PDE8A: variants seen among roughly 807,000 people sequenced by gnomAD.
PDE8A encodes the protein high affinity cAMP-specific and IBMX-insensitive 3',5'-cyclic phosphodiesterase 8A.
PDE8A carries 59 observed loss-of-function variants against 105.0 expected under a neutral mutation model. That is an observed-to-expected ratio of 0.56 (90% CI 0.46 to 0.70). The LOEUF is 0.70. Ranked by LOEUF, PDE8A falls within the 30% of genes least tolerant of loss-of-function variation. The pLI is 0.00. For missense variants in PDE8A, 1,014 were observed against 1,045.9 expected, an observed-to-expected ratio of 0.97 and a Z score of 0.42; for synonymous variants, 355 against 371.9, an observed-to-expected ratio of 0.95 and a Z score of 0.52.
intron 1 of PDE8A, among the ~76,000 whole-genome samples, chr15:84,992,088 C>T (rs1374585286): frequency 6.6e-6 from 1 of 152,192 alleles, no homozygotes; most frequent in Non-Finnish European, 1.5e-5. Flanking sequence ...ATTTTAAGGA[C>T]TTAAATGTTT....
At chr15:85,084,563 C>T (rs2081519328) in intron 6 of PDE8A, among the ~76,000 whole-genome samples, 1 of 152,192 alleles carries the variant, frequency 6.6e-6, no homozygotes, top group African/African-American at 2.4e-5. Context: ...AGCACTCCCA[C>T]AGTGAATTAG....
chr15:85,052,097 T>A (rs899252384), intron 1 of PDE8A, among the ~76,000 whole-genome samples: 3 of 152,134 alleles, frequency 2.0e-5, no homozygotes, highest in Non-Finnish European at 4.4e-5. Context: ...CTTGCAATAG[T>A]TTGCTCAGAA....
At chr15:84,987,879 A>T (rs150058489) in intron 1 of PDE8A, among the ~76,000 whole-genome samples, 347 of 152,146 alleles carry the variant, frequency 2.3e-3, no homozygotes, top group African/African-American at 5.5e-3. Flanking sequence ...AAAAAATTTT[A>T]AAAAAAAGAA....
intron 6 of PDE8A, among the ~76,000 whole-genome samples, chr15:85,087,989 A>G (rs1421846819): frequency 1.3e-5 from 2 of 152,198 alleles, no homozygotes; most frequent in African/African-American, 4.8e-5. Flanking sequence ...GGTATAGTCA[A>G]AGGATTTTAG....
intron 6 of PDE8A, among the ~76,000 whole-genome samples, chr15:85,088,490 A>G (rs1200863746): frequency 6.6e-6 from 1 of 152,150 alleles, no homozygotes; most frequent in Non-Finnish European, 1.5e-5. Flanking sequence ...GATATACCAC[A>G]TTTTGTTTAT....
At chr15:85,075,810 G>T (rs1350822604) in intron 3 of PDE8A, 52 bp from the exon 4 acceptor site, 4 of 1,009,988 alleles carry the variant, frequency 4.0e-6, no homozygotes, top group East Asian at 2.6e-5. Context: ...AGTATATTTG[G>T]TTTTTAAGGA....
intron 1 of PDE8A, among the ~76,000 whole-genome samples, chr15:84,993,442 C>T (rs1353676560): frequency 1.4e-5 from 1 of 73,116 alleles, no homozygotes; most frequent in Non-Finnish European, 2.5e-5. Context: ...GACTCCATCT[C>T]AAAAAAAAAA....
At chr15:85,129,515 GT>G (rs1402475498) in intron 20 of PDE8A, among the ~76,000 whole-genome samples, 2 of 152,056 alleles carry the variant, frequency 1.3e-5, no homozygotes, top group Non-Finnish European at 2.9e-5. Context: ...GTTGTTCATG[GT>G]ACTCTCTTAT....
intron 11 of PDE8A, among the ~76,000 whole-genome samples, chr15:85,104,345 G>C (rs1420779307): frequency 6.6e-6 from 1 of 152,178 alleles, no homozygotes; most frequent in Non-Finnish European, 1.5e-5. Flanking sequence ...GACAAGATGG[G>C]AGAAGCAGCA....
intron 5 of PDE8A, among the ~76,000 whole-genome samples, chr15:85,079,812 C>G (rs1018909037): frequency 6.6e-6 from 1 of 152,028 alleles, no homozygotes. Flanking sequence ...ACTCAGGAGG[C>G]TGAAGAAGGA....
intron 12 of PDE8A, among the ~76,000 whole-genome samples, 172 bp downstream of exon 12, chr15:85,109,302 CT>C (rs1206540083): frequency 1.3e-5 from 2 of 152,168 alleles, no homozygotes; most frequent in Non-Finnish European, 2.9e-5. Context: ...TGCCAATGGG[CT>C]CCATTCTGAG....
chr15:85,010,855 C>G (rs546913055), intron 1 of PDE8A, among the ~76,000 whole-genome samples: 1 of 140,294 alleles, frequency 7.1e-6, no homozygotes, highest in Admixed American at 7.3e-5. Context: ...ATTGGCTAAT[C>G]AGTGTCCCTT....
chr15:85,113,359 G>C lies in PDE8A; in HGVS notation c.1115-18G>C, dbSNP rs1227472765. On this transcript the variant is annotated intron_variant, in intron 12 of 21. Transcript: ENST00000394553. Reference sequence around the variant, plus strand: ...CAGAGTTGTGCATGCCCTGATTTGTGCATCCCTTTCTCCACAGTTTCCAGC... The same window carrying C: ...CAGAGTTGTGCATGCCCTGATTTGTCCATCCCTTTCTCCACAGTTTCCAGC... The C allele has an allele frequency of 6.2e-7, 1 of 1,611,696 alleles. No homozygotes were observed. Among genetic ancestry groups the C allele is most frequent in the Non-Finnish European group, 8.5e-7 (1 of 1,177,942 alleles).
chr15:85,132,352 T>C (rs1357542294), intron 20 of PDE8A, among the ~76,000 whole-genome samples: 7 of 152,352 alleles, frequency 4.6e-5, no homozygotes, highest in South Asian at 4.1e-4. Context: ...CATTTGATGG[T>C]TTCCCATAAA....
rs200420585 is a variant in PDE8A at position 85,113,928 on chromosome 15, C to T, written c.1241C>T (p.Ala414Val). The T allele has an allele frequency of 8.1e-6, 13 of 1,613,164 alleles. No homozygotes were observed. The highest frequency in any genetic ancestry group is 2.2e-5 in the East Asian group (1 of 44,902). The change falls in exon 14 of 22, where the codon GCC (alanine) becomes GTC (valine). Residue 414 changes from alanine (A) to valine (V), a missense_variant. Coordinates refer to ENST00000394553, the MANE Select transcript of PDE8A (RefSeq NM_002605.3). The stretch of plus-strand genomic sequence containing the variant: ...AGTAGTCCCATGCCTGTGACAGAAG[C>T]CCTAGACCGTGTGCTGGAAATTCTA... ...QESSPMPVTE[A>V]LDRVLEILRT...
intron 8 of PDE8A, among the ~76,000 whole-genome samples, chr15:85,097,475 G>A (rs2081776000): frequency 2.0e-5 from 3 of 152,158 alleles, no homozygotes; most frequent in South Asian, 2.1e-4. Flanking sequence ...TATACAGGGG[G>A]TGAAGCCTTC....
In PDE8A at chr15:85,116,149, G is replaced by A. The variant is rs1439554016; in HGVS notation, c.1535+30G>A. The A allele has an allele frequency of 6.2e-6, 10 of 1,611,766 alleles. No homozygotes were observed. In the South Asian group the frequency reaches 1.1e-4, roughly 18 times the overall value. On this transcript the variant is annotated intron_variant, in intron 16 of 21. Transcript: ENST00000394553. Reference sequence around the variant, plus strand: ...GTTCATGCAGAGCTCAGCAGCGGGAGAACTAGATTCCCAGGGCCTGTGTGA... The same window carrying A: ...GTTCATGCAGAGCTCAGCAGCGGGAAAACTAGATTCCCAGGGCCTGTGTGA...
At chr15:85,005,831 T>A (rs1384876871) in intron 1 of PDE8A, among the ~76,000 whole-genome samples, 1 of 151,732 alleles carries the variant, frequency 6.6e-6, no homozygotes, top group African/African-American at 2.4e-5. Flanking sequence ...ATATAATAAG[T>A]TTAAAAAAAA....
At chr15:85,108,777 C>G (rs2081981298) in intron 11 of PDE8A, among the ~76,000 whole-genome samples, 1 of 152,016 alleles carries the variant, frequency 6.6e-6, no homozygotes, top group Admixed American at 6.6e-5. Flanking sequence ...CTCCTGAGGT[C>G]ATTTCTATCA....
Sources: gnomAD v4.1 joint callset for allele counts (sites outside exome capture counted in the v4.1 genomes callset) on GRCh38, gnomAD v4.1.1 for gene constraint, MANE v1.5 for transcripts, NCBI Gene and HGNC (gene_info 2026-07-23, HGNC 2026-07-21) for gene names.